The following CALN1 variants were observed in gnomAD, a reference collection of about 807,000 sequenced individuals.
CALN1 encodes calcium-binding protein 8.
Under a neutral mutation model 30.6 loss-of-function variants are expected in CALN1, and 17 were observed. The ratio of observed to expected loss-of-function variants is 0.56; its 90% CI spans 0.38 to 0.83. The LOEUF is 0.83. Ranked by LOEUF, CALN1 falls within the 40% of genes least tolerant of loss-of-function variation. The pLI, the probability that CALN1 is intolerant of heterozygous loss-of-function variation, is 0.00. For synonymous variants in CALN1, 156 were observed against 131.4 expected, an observed-to-expected ratio of 1.19 and a Z score of -1.28; for missense variants, 291 against 354.9, an observed-to-expected ratio of 0.82 and a Z score of 1.45.
chr7:71,865,769 T>C (rs1382135947), intron 5 of CALN1, among the ~76,000 whole-genome samples: 1 of 152,210 alleles, frequency 6.6e-6, no homozygotes, highest in Non-Finnish European at 1.5e-5. Context: ...TTAAAATTCA[T>C]TTAACTATAC....
chr7:72,100,134 ATCT>A (rs1413655302), intron 4 of CALN1, among the ~76,000 whole-genome samples: 1 of 145,706 alleles, frequency 6.9e-6, no homozygotes, highest in African/African-American at 2.6e-5. Context: ...AGACGCTTAA[ATCT>A]TTTTTTTAAT....
At chr7:71,838,010 C>T (rs995516397) in intron 5 of CALN1, among the ~76,000 whole-genome samples, 27 of 152,030 alleles carry the variant, frequency 1.8e-4, no homozygotes, top group Non-Finnish European at 1.3e-4. Flanking sequence ...AGTAGATTAA[C>T]GTTAAGTGGT....
upstream of CALN1, among the ~76,000 whole-genome samples, chr7:72,451,830 T>A (rs1424852886): frequency 4.6e-5 from 6 of 129,944 alleles, no homozygotes; most frequent in African/African-American, 1.8e-4. Context: ...AAATCTAATT[T>A]TAGATGTGGT....
At chr7:72,385,856 C>G (rs1805181000) in intron 2 of CALN1, among the ~76,000 whole-genome samples, 1 of 152,170 alleles carries the variant, frequency 6.6e-6, no homozygotes, top group Non-Finnish European at 1.5e-5. Flanking sequence ...TTTCCTGAGG[C>G]CTCCCTGACC....
At chr7:72,284,355 C>T (rs372702802) in intron 2 of CALN1, among the ~76,000 whole-genome samples, 12 of 151,988 alleles carry the variant, frequency 7.9e-5, no homozygotes, top group African/African-American at 2.9e-4. Flanking sequence ...GAAATGATGC[C>T]CTTTTGTGAT....
chr7:72,335,593 G>T (rs964178539), intron 2 of CALN1, among the ~76,000 whole-genome samples: 8 of 152,300 alleles, frequency 5.3e-5, no homozygotes, highest in African/African-American at 1.9e-4. Context: ...CTCCTTTTTT[G>T]CAGAAAACCG....
intron 3 of CALN1, among the ~76,000 whole-genome samples, chr7:72,154,252 C>A (rs1318316459): frequency 6.6e-6 from 1 of 151,852 alleles, no homozygotes; most frequent in Non-Finnish European, 1.5e-5. Context: ...TAGGGGCATA[C>A]TACGGGATTA....
chr7:72,393,624 G>A (rs771613146), intron 2 of CALN1, among the ~76,000 whole-genome samples: 5 of 152,098 alleles, frequency 3.3e-5, no homozygotes, highest in Non-Finnish European at 5.9e-5. Flanking sequence ...CTGTCCCACA[G>A]CTGGGCCCCC....
At chr7:72,251,449 A>G (rs1438497945) in intron 3 of CALN1, among the ~76,000 whole-genome samples, 8 of 151,756 alleles carry the variant, frequency 5.3e-5, no homozygotes. Context: ...CCCAGGCCAG[A>G]CTGCAGTGGT....
chr7:72,432,977 C>G (rs992070366), intron 1 of CALN1, among the ~76,000 whole-genome samples: 1 of 152,180 alleles, frequency 6.6e-6, no homozygotes, highest in South Asian at 2.1e-4. Flanking sequence ...AGAACAAGGC[C>G]ATGGCTCTGT....
intron 5 of CALN1, among the ~76,000 whole-genome samples, chr7:71,828,204 T>C (rs190385025): frequency 8.5e-5 from 13 of 152,264 alleles, no homozygotes; most frequent in Admixed American, 1.3e-4. Flanking sequence ...TAATAATTCA[T>C]TGGTGTCTCA....
intron 2 of CALN1, among the ~76,000 whole-genome samples, chr7:72,395,309 G>T (rs1460273754): frequency 3.3e-5 from 5 of 151,840 alleles, no homozygotes; most frequent in Admixed American, 3.3e-4. Flanking sequence ...CTTAATAGGT[G>T]GTTTCCAGGC....
At chr7:72,261,889 C>T (rs10486883) in intron 3 of CALN1, among the ~76,000 whole-genome samples, 53,205 of 152,010 alleles carry the variant, frequency 0.35, 10,495 homozygotes, top group Middle Eastern at 0.53. Flanking sequence ...AACCAGATGA[C>T]GTTAGGGAAA....
chr7:72,128,627 T>C (rs1382113249), intron 3 of CALN1, among the ~76,000 whole-genome samples: 1 of 152,162 alleles, frequency 6.6e-6, no homozygotes, highest in Non-Finnish European at 1.5e-5. Flanking sequence ...TCCCAGCACT[T>C]TGAAAGGCTG....
At chr7:71,991,160 T>TA (rs1189896291) in intron 5 of CALN1, among the ~76,000 whole-genome samples, 1 of 151,600 alleles carries the variant, frequency 6.6e-6, no homozygotes, top group Non-Finnish European at 1.5e-5. Context: ...AAGCAAGAAT[T>TA]AAAAAAGAAA....
rs1799305027 is a variant in CALN1 at position 72,302,070 on chromosome 7, A to G, written c.120-23260T>C. ...AAAAACAGTCTGAGATGAGGAATTG[A>G]AGAAAGTTTAAAGAACTGATGAAAT... On this transcript the variant is annotated intron_variant, in intron 2 of 6. Coordinates refer to ENST00000395275, the MANE Select transcript of CALN1 (RefSeq NM_031468.4). Among the ~76,000 whole-genome samples the G allele has an allele frequency of 2.6e-5, 4 of 152,314 alleles. No individual in the cohort carries two copies. In the South Asian group the frequency reaches 8.3e-4, roughly 32 times the overall value.
intron 4 of CALN1, among the ~76,000 whole-genome samples, chr7:72,100,821 C>CAAAA (rs35514026): frequency 1.9e-3 from 138 of 72,546 alleles, no homozygotes; most frequent in Middle Eastern, 0.011. Context: ...CTCCGTCTCA[C>CAAAA]AAAAAAAAAA....
chr7:72,131,480 T>A (rs1809142859), intron 3 of CALN1, among the ~76,000 whole-genome samples: 1 of 152,146 alleles, frequency 6.6e-6, no homozygotes, highest in Admixed American at 6.5e-5. Context: ...TTTTACCAGG[T>A]ATCAGAACAA....
chr7:72,442,317 C>T (rs887319732), intron 1 of CALN1, among the ~76,000 whole-genome samples: 3 of 152,286 alleles, frequency 2.0e-5, no homozygotes, highest in South Asian at 4.1e-4. Context: ...CGCTGGCTCC[C>T]GCCTCACTCA....
Sources: allele counts gnomAD v4.1 joint callset (sites outside exome capture counted in the v4.1 genomes callset), GRCh38; gene constraint gnomAD v4.1.1; transcripts MANE v1.5; gene names NCBI Gene and HGNC (gene_info 2026-07-23, HGNC 2026-07-21).